Variants in CDHR3 observed in about 807,000 individuals in gnomAD.
CDHR3 encodes the protein cadherin related family member 3.
In CDHR3, 79 loss-of-function variants were observed where a neutral mutation model predicts 86.6. The observed-to-expected ratio is 0.91, with a 90% CI of 0.76 to 1.10. The LOEUF is 1.10. CDHR3 is among the 50% of genes least tolerant of loss of function. CDHR3 has a pLI of 0.00. For missense variants in CDHR3, 1,081 were observed against 1,077.6 expected (o/e 1.00, Z -0.04); for synonymous variants, 421 against 402.4 (o/e 1.05, Z -0.55).
At chr7:105,984,701 TAAAATGTACACCCC>T (rs1830270601) in intron 4 of CDHR3, among the ~76,000 whole-genome samples, 1 of 152,096 alleles carries the variant, frequency 6.6e-6, no homozygotes, top group African/African-American at 2.4e-5. Context: ...TTTAAAAGCA[TAAAATGTACACCCC>T]AAATCCAAGC....
chr7:105,997,302 G>A (rs1832398790), intron 6 of CDHR3, among the ~76,000 whole-genome samples: 1 of 152,242 alleles, frequency 6.6e-6, no homozygotes, highest in Non-Finnish European at 1.5e-5. Flanking sequence ...ACTTCTGGAT[G>A]TTAACATAGT....
chr7:106,003,153 G>C (rs1019264592), intron 7 of CDHR3, among the ~76,000 whole-genome samples: 4 of 124,932 alleles, frequency 3.2e-5, no homozygotes, highest in African/African-American at 1.3e-4. Context: ...AAAAAAAAAA[G>C]TGATTCATGA....
At chr7:105,983,588 C>T (rs1376109252) in intron 3 of CDHR3, among the ~76,000 whole-genome samples, 1 of 152,122 alleles carries the variant, frequency 6.6e-6, no homozygotes, top group Non-Finnish European at 1.5e-5. Flanking sequence ...AGCTCTGTGG[C>T]CCCTTGGTCA....
rs551992869 is a variant in CDHR3 at position 106,033,778 on chromosome 7, C to G, written c.*1081C>G. 2 of 152,218 alleles carry G rather than the reference C, an allele frequency of 1.3e-5. No homozygotes were observed. The highest frequency in any genetic ancestry group is 3.9e-4 in the East Asian group (2 of 5,172). 9.4% of individuals were successfully genotyped at this position (152,218 alleles called of 1,614,324 possible). ...TAAAAGTGAATTACAACACTATGAA[C>G]TTTCTTGTACATGTCTTTTGGTGAA... On this transcript the variant is annotated 3_prime_UTR_variant, in exon 19 of 19. Transcript: ENST00000317716.
At chr7:105,967,461 G>C (rs1827154634) in intron 1 of CDHR3, among the ~76,000 whole-genome samples, 1 of 152,148 alleles carries the variant, frequency 6.6e-6, no homozygotes, top group African/African-American at 2.4e-5. Flanking sequence ...AATCCTTTGG[G>C]TATAACCCAG....
intron 15 of CDHR3, 110 bp downstream of exon 15, chr7:106,024,672 T>C (rs1837090573): frequency 2.6e-6 from 3 of 1,157,688 alleles, no homozygotes; most frequent in South Asian, 3.2e-5. Context: ...CAAGGCAGGT[T>C]GCCTGGAGTG....
intron 12 of CDHR3, among the ~76,000 whole-genome samples, chr7:106,018,787 A>G (rs554577500): frequency 3.8e-4 from 58 of 152,104 alleles, no homozygotes; most frequent in Non-Finnish European, 7.8e-4. Context: ...CCCTGCCTCT[A>G]TGCATACCAG....
intron 6 of CDHR3, among the ~76,000 whole-genome samples, chr7:106,000,479 T>G (rs1832973362): frequency 6.6e-6 from 1 of 152,216 alleles, no homozygotes; most frequent in African/African-American, 2.4e-5. Context: ...ATGCCGTCAC[T>G]TAGATCTGAG....
At chr7:105,974,707 G>T in intron 1 of CDHR3, 137 bp from the exon 2 acceptor site, 1 of 659,152 alleles carries the variant, frequency 1.5e-6, no homozygotes, top group South Asian at 1.9e-5. Flanking sequence ...CTTGGCAAGA[G>T]CGTTTGTTCT....
chr7:105,969,696 A>C (rs1295084067), intron 1 of CDHR3, among the ~76,000 whole-genome samples: 1 of 152,236 alleles, frequency 6.6e-6, no homozygotes, highest in African/African-American at 2.4e-5. Flanking sequence ...TAGAGAAAAG[A>C]CAACAGTAAG....
In CDHR3 at chr7:105,963,314, C is replaced by A. The variant is rs372965602; in HGVS notation, c.-5C>A. The A allele has an allele frequency of 6.3e-5, 102 of 1,613,978 alleles. No homozygotes were observed. The East Asian group carries it at 2.0e-3, about 32-fold the overall frequency. On this transcript the variant is annotated 5_prime_UTR_variant, in exon 1 of 19. Transcript: ENST00000317716. ...TGGAAGCACGCACAGTTGTGACCAT[C>A]AAGTATGCAGGAAGCAATCATTCTC...
intron 16 of CDHR3, among the ~76,000 whole-genome samples, 197 bp downstream of exon 16, chr7:106,026,892 C>T (rs977366100): frequency 1.1e-4 from 16 of 152,180 alleles, no homozygotes; most frequent in African/African-American, 3.4e-4. Flanking sequence ...GTGCCTTGGC[C>T]TGCCTGGATA....
At chr7:106,018,480 C>T (rs1836008762) in intron 12 of CDHR3, among the ~76,000 whole-genome samples, 1 of 152,186 alleles carries the variant, frequency 6.6e-6, no homozygotes, top group Non-Finnish European at 1.5e-5. Flanking sequence ...AAGTAATCCA[C>T]TCGCCTCAGC....
chr7:105,988,743 C>T lies in CDHR3; in HGVS notation c.513+4454C>T, dbSNP rs575080878. On this transcript the variant is annotated intron_variant, in intron 4 of 18. Coordinates refer to ENST00000317716, the MANE Select transcript of CDHR3 (RefSeq NM_152750.5). The stretch of plus-strand genomic sequence containing the variant: ...ACCGGCTCTGTCCAATAAAGCTATA[C>T]TGTGAGCCAGAAATGAGTCCTGCAC... Among the ~76,000 whole-genome samples the T allele has an allele frequency of 2.6e-5, 4 of 152,316 alleles. No individual in the cohort carries two copies. The South Asian group carries it at 8.3e-4, about 32-fold the overall frequency.
At chr7:106,027,733 AG>A (rs1296276495) in intron 16 of CDHR3, 13 of 426,826 alleles carry the variant, frequency 3.0e-5, no homozygotes, top group African/African-American at 1.9e-4. Context: ...ATGTCTCAAC[AG>A]GGTTAGAAAT....
At chr7:105,974,450 T>C (rs903434244) in intron 1 of CDHR3, among the ~76,000 whole-genome samples, 2 of 152,190 alleles carry the variant, frequency 1.3e-5, no homozygotes, top group African/African-American at 4.8e-5. Flanking sequence ...TCTTGTAAGC[T>C]ACAGGGCCCT....
chr7:106,004,856 T>A (rs1484049654), intron 8 of CDHR3, 169 bp downstream of exon 8: 1 of 619,288 alleles, frequency 1.6e-6, no homozygotes, highest in African/African-American at 1.9e-5. Flanking sequence ...CTTGTTATCG[T>A]CCTTTTTTCT....
At chr7:106,015,852 T>C (rs772289063) in intron 10 of CDHR3, 75 bp from the exon 11 acceptor site, 4 of 1,094,456 alleles carry the variant, frequency 3.7e-6, no homozygotes, top group Admixed American at 2.0e-5. Context: ...ACACAGGAGA[T>C]TCTTTAAAGA....
intron 3 of CDHR3, among the ~76,000 whole-genome samples, chr7:105,982,488 A>G (rs193792): frequency 0.26 from 38,226 of 149,060 alleles, 6,291 homozygotes; most frequent in Non-Finnish European, 0.36. Flanking sequence ...AAAGAAAAAA[A>G]AAAAAAAGAA....
Sources: gnomAD v4.1 joint callset for allele counts (sites outside exome capture counted in the v4.1 genomes callset) on GRCh38, gnomAD v4.1.1 for gene constraint, MANE v1.5 for transcripts, NCBI Gene and HGNC (gene_info 2026-07-23, HGNC 2026-07-21) for gene names.